The following VAV3 variants were observed in gnomAD, a reference collection of about 807,000 sequenced individuals.
VAV3 encodes guanine nucleotide exchange factor VAV3.
Under a neutral mutation model 131.2 loss-of-function variants are expected in VAV3, and 94 were observed. That is an observed-to-expected ratio of 0.72 (90% CI 0.61 to 0.85). The LOEUF (loss-of-function observed/expected upper bound fraction) is 0.85. VAV3 is among the 40% of genes least tolerant of loss of function. VAV3 has a pLI of 0.00. For synonymous variants in VAV3, 349 were observed against 342.0 expected (o/e 1.02, Z -0.22); for missense variants, 939 against 1,002.7 (o/e 0.94, Z 0.86).
intron 20 of VAV3, among the ~76,000 whole-genome samples, chr1:107,640,204 T>C (rs943545071): frequency 2.6e-5 from 4 of 152,128 alleles, no homozygotes; most frequent in African/African-American, 4.8e-5. Flanking sequence ...AGCCAAAAAC[T>C]AGTGGCAACC....
intron 2 of VAV3, among the ~76,000 whole-genome samples, chr1:107,865,989 G>A (rs1669967898): frequency 6.6e-6 from 1 of 152,112 alleles, no homozygotes; most frequent in Non-Finnish European, 1.5e-5. Flanking sequence ...TCTCAGATAG[G>A]CATGCATACA....
chr1:107,822,602 C>A (rs946302724), intron 2 of VAV3, among the ~76,000 whole-genome samples: 2 of 151,738 alleles, frequency 1.3e-5, no homozygotes, highest in African/African-American at 4.9e-5. Context: ...TTGCAGTAAG[C>A]CGAGATCGTG....
At chr1:107,856,996 A>G (rs1054909332) in intron 2 of VAV3, among the ~76,000 whole-genome samples, 28 of 152,102 alleles carry the variant, frequency 1.8e-4, no homozygotes, top group Non-Finnish European at 1.0e-4. Context: ...TTAGGATTGC[A>G]CCATTTCACT....
intron 1 of VAV3, among the ~76,000 whole-genome samples, chr1:107,940,978 T>C (rs1283134738): frequency 8.3e-6 from 1 of 120,954 alleles, no homozygotes. Context: ...TTATACTATG[T>C]ATATTTTAGC....
chr1:107,573,092 C>T lies in VAV3; in HGVS notation c.*239G>A, dbSNP rs1451421854. 2.1e-6 allele frequency: 1 copy of T among 480,804 alleles called. No individual in the cohort carries two copies. The highest frequency in any genetic ancestry group is 3.3e-5 in the East Asian group (1 of 29,914). 29.8% of individuals were successfully genotyped at this position (480,804 alleles called of 1,614,324 possible). A position where few individuals can be genotyped will look rare whatever the true frequency, so the allele number is the denominator to read the frequency against. On this transcript the variant is annotated 3_prime_UTR_variant, in exon 27 of 27. Transcript: ENST00000370056. Reference sequence around the variant, plus strand: ...AACAGCTCTTGGTTTTGCCCTGGTCCCTGACAATGACAGACTGGCAGGCTG... The same window carrying T: ...AACAGCTCTTGGTTTTGCCCTGGTCTCTGACAATGACAGACTGGCAGGCTG...
At position 107,609,943 on chromosome 1, in the gene VAV3, G is replaced by A. The variant is rs1242147056; in HGVS notation, c.2003C>T (p.Ser668Phe). The A allele has an allele frequency of 1.2e-6, 2 of 1,613,260 alleles. No homozygotes were observed. Among genetic ancestry groups the A allele is most frequent in the Non-Finnish European group, 1.7e-6 (2 of 1,179,516 alleles). Residue 668 changes from serine (S) to phenylalanine (F), a missense_variant, in exon 22 of 27, where the codon TCT becomes TTT. Coordinates refer to ENST00000370056, the MANE Select transcript of VAV3 (RefSeq NM_006113.5). ...CPCVPKPVDY[S>F]CQPWYAGAME... ...TTTTAATACTTACCAGGGTTGGCAA[G>A]AATAATCTACTGGTTTGGGCACCTA...
intron 1 of VAV3, among the ~76,000 whole-genome samples, chr1:107,930,700 T>C (rs76533505): frequency 0.034 from 5,177 of 152,208 alleles, 121 homozygotes; most frequent in South Asian, 0.13. Context: ...AATGACATGA[T>C]TGATGAAAAG....
At chr1:107,675,740 T>G (rs1658161179) in intron 19 of VAV3, among the ~76,000 whole-genome samples, 1 of 152,148 alleles carries the variant, frequency 6.6e-6, no homozygotes, top group Non-Finnish European at 1.5e-5. Context: ...CTCAGTTCTC[T>G]AATCCGATAA....
At chr1:107,729,552 T>G (rs928089666) in intron 15 of VAV3, among the ~76,000 whole-genome samples, 1 of 152,186 alleles carries the variant, frequency 6.6e-6, no homozygotes, top group Non-Finnish European at 1.5e-5. Flanking sequence ...TACGACATGG[T>G]GCACTGAAGG....
At chr1:107,863,337 T>C (rs916930119) in intron 2 of VAV3, among the ~76,000 whole-genome samples, 7 of 152,318 alleles carry the variant, frequency 4.6e-5, no homozygotes, top group South Asian at 4.1e-4. Flanking sequence ...GTTTCAAGTC[T>C]GCTCCTCCTA....
intron 1 of VAV3, among the ~76,000 whole-genome samples, chr1:107,911,153 A>C (rs1672351080): frequency 6.6e-6 from 1 of 152,246 alleles, no homozygotes; most frequent in Non-Finnish European, 1.5e-5. Flanking sequence ...TAGAAATTTT[A>C]AACAGTTATT....
At chr1:107,696,020 T>C (rs1483884968) in intron 17 of VAV3, among the ~76,000 whole-genome samples, 1 of 152,164 alleles carries the variant, frequency 6.6e-6, no homozygotes, top group East Asian at 1.9e-4. Flanking sequence ...AAATTTTTTA[T>C]TTTATTATCT....
At chr1:107,722,951 C>A (rs1661593880) in intron 15 of VAV3, among the ~76,000 whole-genome samples, 1 of 146,590 alleles carries the variant, frequency 6.8e-6, no homozygotes, top group East Asian at 2.1e-4. Flanking sequence ...CAAATGTTAT[C>A]TCCTCTGAGA....
At chr1:107,785,760 C>T (rs925852795) in intron 2 of VAV3, 15 of 576,758 alleles carry the variant, frequency 2.6e-5, no homozygotes, top group Non-Finnish European at 2.9e-5. Context: ...CAACTGCAAG[C>T]TAGAGGCACC....
rs1340409870 is a variant in VAV3, at chr1:107,777,250, C to T, written c.427G>A (p.Gly143Ser). The T allele has an allele frequency of 5.0e-6, 8 of 1,613,982 alleles. No homozygotes were observed. The highest frequency in any genetic ancestry group is 6.8e-6 in the Non-Finnish European group (8 of 1,179,966). ...ESINDEDIYK[G>S]LPDLIDETLV... ...ACATACTCTATTAAATCAGGAAGGCCTTTGTAGATGTCTTCATCATTAATG... is the reference window on the plus strand; with the variant it reads ...ACATACTCTATTAAATCAGGAAGGCTTTTGTAGATGTCTTCATCATTAATG... The change falls in exon 4 of 27, where the codon GGC (glycine) becomes AGC (serine). Residue 143 changes from glycine (G) to serine (S), a missense_variant. Transcript: ENST00000370056.
intron 20 of VAV3, among the ~76,000 whole-genome samples, chr1:107,630,482 C>T (rs1221294897): frequency 6.6e-6 from 1 of 152,028 alleles, no homozygotes; most frequent in African/African-American, 2.4e-5. Context: ...AAAACTGAGG[C>T]CCACTTCAGA....
intron 20 of VAV3, among the ~76,000 whole-genome samples, chr1:107,624,103 T>A (rs1337306986): frequency 6.6e-6 from 1 of 152,122 alleles, no homozygotes; most frequent in Non-Finnish European, 1.5e-5. Flanking sequence ...CAGATGGAAG[T>A]GTCAAAAACC....
At chr1:107,953,344 C>T (rs1213082321) in intron 1 of VAV3, among the ~76,000 whole-genome samples, 2 of 152,158 alleles carry the variant, frequency 1.3e-5, no homozygotes, top group Non-Finnish European at 2.9e-5. Context: ...ATGTACCAGG[C>T]ATTTAAATAT....
intron 15 of VAV3, among the ~76,000 whole-genome samples, chr1:107,748,412 T>C (rs1002504503): frequency 1.3e-5 from 2 of 152,188 alleles, no homozygotes; most frequent in African/African-American, 4.8e-5. Flanking sequence ...TCTACCTCTT[T>C]GTTGAGCTTC....
Sources: gnomAD v4.1 joint callset for allele counts (sites outside exome capture counted in the v4.1 genomes callset) on GRCh38, gnomAD v4.1.1 for gene constraint, MANE v1.5 for transcripts, NCBI Gene and HGNC (gene_info 2026-07-23, HGNC 2026-07-21) for gene names.